CAND1: variants seen among roughly 807,000 people sequenced by gnomAD.
CAND1 encodes cullin-associated NEDD8-dissociated protein 1.
A neutral mutation model predicts 108.5 loss-of-function variants in CAND1; 7 were observed. The observed-to-expected ratio is 0.06, with a 90% CI of 0.04 to 0.12. The LOEUF (loss-of-function observed/expected upper bound fraction) is 0.12, where lower values mean the gene tolerates loss of function less well. Ranked by LOEUF, CAND1 falls within the 10% of genes least tolerant of loss-of-function variation. The pLI is 1.00. For synonymous variants in CAND1, 534 were observed against 512.0 expected, an observed-to-expected ratio of 1.04 and a Z score of -0.58; for missense variants, 941 against 1,448.7, an observed-to-expected ratio of 0.65 and a Z score of 5.69.
In CAND1 at chr12:67,318,266, G is replaced by A. The variant is rs2045027991; in HGVS notation, c.*5436G>A. ...ACTGCACTCCAGCCTGGGTGACAAA[G>A]CGAGACCCTGTCTCAAAAAAAACAA... On this transcript the variant is annotated 3_prime_UTR_variant, in exon 15 of 15. Coordinates refer to ENST00000545606, the MANE Select transcript of CAND1 (RefSeq NM_018448.5). The A allele has an allele frequency of 6.6e-6, 1 of 152,268 alleles. No individual in the cohort carries two copies. Among genetic ancestry groups the A allele is most frequent in the Non-Finnish European group, 1.5e-5 (1 of 68,098 alleles). 9.4% of individuals were successfully genotyped at this position (152,268 alleles called of 1,614,324 possible).
At chr12:67,292,510 A>G (rs2044732038) in intron 2 of CAND1, 112 bp from the exon 3 acceptor site, 2 of 690,738 alleles carry the variant, frequency 2.9e-6, no homozygotes, top group Non-Finnish European at 2.3e-6. Flanking sequence ...CAGACATGGT[A>G]TATACTTTAT....
At chr12:67,298,363 G>T (rs1326240346) in intron 6 of CAND1, among the ~76,000 whole-genome samples, 67 of 139,578 alleles carry the variant, frequency 4.8e-4, no homozygotes, top group South Asian at 4.2e-4. Flanking sequence ...TAATGCAGTA[G>T]CATGGTGTCT....
At chr12:67,281,801 A>G (rs2044622551) in intron 1 of CAND1, 109 bp from the exon 2 acceptor site, 1 of 652,828 alleles carries the variant, frequency 1.5e-6, no homozygotes, top group Non-Finnish European at 2.4e-6. Context: ...TTTTATAATA[A>G]AAGATGTTTC....
rs116082994 is a variant in CAND1, at chr12:67,292,447, A to G, written c.213-175A>G. On this transcript the variant is annotated intron_variant, in intron 2 of 14. Transcript: ENST00000545606. Reference sequence around the variant, plus strand: ...TGAGAAAAACTTGGAAACCAACTGCAAAAATCTTAACCAATCACAATTTTT... The same window carrying G: ...TGAGAAAAACTTGGAAACCAACTGCGAAAATCTTAACCAATCACAATTTTT... 2.9e-3 allele frequency among the ~76,000 whole-genome samples: 438 copies of G among 152,362 alleles called. 3 individuals are homozygous for G. Among genetic ancestry groups the G allele is most frequent in the African/African-American group, 0.01 (418 of 41,588 alleles).
chr12:67,270,829 A>T (rs1592598960), intron 1 of CAND1: 1 of 151,482 alleles, frequency 6.6e-6, no homozygotes, highest in South Asian at 2.1e-4. Flanking sequence ...TTTGTTCTCT[A>T]ATGCTTAGTG....
Position 67,308,389 on chromosome 12 carries a change from C to T in CAND1, c.3025+897C>T, listed in dbSNP as rs369657002. Among the ~76,000 whole-genome samples the T allele has an allele frequency of 2.6e-4, 40 of 152,172 alleles. 2 individuals are homozygous for T. Among genetic ancestry groups the T allele is most frequent in the African/African-American group, 9.1e-4 (38 of 41,556 alleles). ...GTCTATATGAGAAACAACTTATTGG[C>T]ATTTCCCCCACACATTTTCTGCTTT... On this transcript the variant is annotated intron_variant, in intron 11 of 14. Coordinates refer to ENST00000545606, the MANE Select transcript of CAND1 (RefSeq NM_018448.5).
chr12:67,303,589 T>C (rs987133331), intron 8 of CAND1, among the ~76,000 whole-genome samples: 3 of 152,220 alleles, frequency 2.0e-5, no homozygotes, highest in Non-Finnish European at 4.4e-5. Context: ...AATTAGGGTA[T>C]GTGTCCATGT....
intron 2 of CAND1, among the ~76,000 whole-genome samples, chr12:67,288,654 G>A (rs542428773): frequency 1.6e-3 from 244 of 152,352 alleles, no homozygotes; most frequent in Non-Finnish European, 2.7e-3. Flanking sequence ...AGGCGAAAGA[G>A]ATTGGTCTCA....
At chr12:67,295,266 T>G (rs764825747) in intron 4 of CAND1, 110 bp downstream of exon 4, 7 of 960,288 alleles carry the variant, frequency 7.3e-6, no homozygotes, top group African/African-American at 1.7e-5. Flanking sequence ...TATTCATATT[T>G]AAATGGTGGC....
intron 1 of CAND1, among the ~76,000 whole-genome samples, chr12:67,271,954 A>G (rs1313288063): frequency 6.6e-6 from 1 of 152,230 alleles, no homozygotes; most frequent in African/African-American, 2.4e-5. Context: ...GAGCGTTTGG[A>G]GTCAAGAATT....
At position 67,310,254 on chromosome 12, in the gene CAND1, C is replaced by A; in HGVS notation, c.3298C>A (p.Leu1100Ile). Residue 1100 changes from leucine to isoleucine, a missense_variant, in exon 13 of 15, where the codon CTT becomes ATT. Around this residue, in one of 9 missense-constraint regions of CAND1, gnomAD observed 14 missense variants for 16.2 expected, o/e 0.87. Coordinates refer to ENST00000545606, the MANE Select transcript of CAND1 (RefSeq NM_018448.5). The part of the protein sequence containing the change: ...YTLLDSCLDR[L>I]DIFEFLNHVE... ...ACTTCTAGACAGTTGTCTTGATAGACTTGATATCTTTGAATTTCTAAATCA... is the reference window on the plus strand; with the variant it reads ...ACTTCTAGACAGTTGTCTTGATAGAATTGATATCTTTGAATTTCTAAATCA... 6.2e-7 allele frequency: 1 copy of A among 1,610,700 alleles called. No homozygotes were observed. The highest frequency in any genetic ancestry group is 8.5e-7 in the Non-Finnish European group (1 of 1,177,308).
intron 2 of CAND1, 142 bp from the exon 3 acceptor site, chr12:67,292,480 T>G: frequency 1.8e-6 from 1 of 550,620 alleles, no homozygotes; most frequent in Non-Finnish European, 3.0e-6. Flanking sequence ...TTTTATGTCA[T>G]TTGTATACTA....
In CAND1 at chr12:67,305,740, A is replaced by T. The variant is rs1358275177; in HGVS notation, c.2072A>T (p.Asp691Val). Residue 691 changes from aspartate to valine, a missense_variant, in exon 10 of 15, where the codon GAT becomes GTT. Physicochemically the swap from Asp to Val is radical, Grantham distance 152. Transcript: ENST00000545606. The surrounding 1 kb of genome is among the most constrained non-coding windows in gnomAD (Gnocchi z 4.4). ...GACAGCTTGACAGCTGCCATGATTG[A>T]TGCAGTTCTAGATGAGCTCCCACCT... is the stretch of plus-strand genomic sequence containing the variant. ...YSDSLTAAMIDAVLDELPPLI... is the reference protein window; with the variant it reads ...YSDSLTAAMIVAVLDELPPLI... The T allele has an allele frequency of 1.2e-6, 2 of 1,614,170 alleles. No individual in the cohort carries two copies. Among genetic ancestry groups the T allele is most frequent in the South Asian group, 2.2e-5 (2 of 91,078 alleles).
At chr12:67,282,568 T>C (rs2044629705) in intron 2 of CAND1, among the ~76,000 whole-genome samples, 1 of 152,108 alleles carries the variant, frequency 6.6e-6, no homozygotes, top group South Asian at 2.1e-4. Context: ...TTTTAAAATT[T>C]TCTTGTAGAG....
chr12:67,299,273 T>G (rs1369771010), intron 7 of CAND1, among the ~76,000 whole-genome samples, 178 bp downstream of exon 7: 1 of 152,270 alleles, frequency 6.6e-6, no homozygotes. Context: ...TGAACTGTTA[T>G]GCAACACATT....
chr12:67,277,869 A>G (rs1326480494), intron 1 of CAND1, among the ~76,000 whole-genome samples: 1 of 152,118 alleles, frequency 6.6e-6, no homozygotes, highest in Non-Finnish European at 1.5e-5. Flanking sequence ...TTTCTAACTT[A>G]GTCATTCTCC....
intron 2 of CAND1, among the ~76,000 whole-genome samples, chr12:67,290,401 C>T (rs1255597586): frequency 1.3e-5 from 2 of 151,952 alleles, no homozygotes; most frequent in African/African-American, 4.8e-5. Context: ...GTCCCAGCTA[C>T]TTGGGAGGCT....
intron 2 of CAND1, 136 bp downstream of exon 2, chr12:67,282,189 C>T: frequency 2.4e-6 from 2 of 836,782 alleles, no homozygotes; most frequent in Non-Finnish European, 3.8e-6. Context: ...TTTTAGGTGA[C>T]TAATGTTTAG....
At chr12:67,281,731 T>G (rs900892366) in intron 1 of CAND1, among the ~76,000 whole-genome samples, 179 bp from the exon 2 acceptor site, 1 of 152,218 alleles carries the variant, frequency 6.6e-6, no homozygotes, top group African/African-American at 2.4e-5. Context: ...ACATTATTGC[T>G]CTTTTCCTTG....
Sources: gnomAD v4.1 joint callset for allele counts (sites outside exome capture counted in the v4.1 genomes callset) on GRCh38, gnomAD v4.1.1 for gene constraint, gnomAD v4.1.1 regional missense constraint, Gnocchi (gnomAD v3.1) non-coding constraint, MANE v1.5 for transcripts, NCBI Gene and HGNC (gene_info 2026-07-23, HGNC 2026-07-21) for gene names.